GAS7: variants seen among roughly 807,000 people sequenced by gnomAD.
GAS7 encodes the protein growth arrest specific 7.
Under a neutral mutation model 71.1 loss-of-function variants are expected in GAS7, and 28 were observed. The ratio of observed to expected loss-of-function variants is 0.39; its 90% confidence interval spans 0.29 to 0.54. The LOEUF is 0.54. GAS7 is among the 20% of genes least tolerant of loss of function. GAS7 has a pLI of 0.62. For synonymous variants in GAS7, 258 were observed against 245.8 expected, an observed-to-expected ratio of 1.05 and a Z score of -0.46; for missense variants, 436 against 627.8, an observed-to-expected ratio of 0.69 and a Z score of 3.27.
intron 1 of GAS7, among the ~76,000 whole-genome samples, chr17:10,125,472 G>C (rs2073937182): frequency 6.7e-6 from 1 of 148,748 alleles, no homozygotes; most frequent in Non-Finnish European, 1.5e-5. Flanking sequence ...AGCCAAGATG[G>C]TGCCATTGCA....
intron 1 of GAS7, among the ~76,000 whole-genome samples, chr17:10,160,088 T>C (rs1367783350): frequency 6.6e-6 from 1 of 152,052 alleles, no homozygotes; most frequent in Non-Finnish European, 1.5e-5. Flanking sequence ...TAATTTCTTG[T>C]AGGGACAGGG....
chr17:10,036,634 C>T, intron 1 of GAS7: 1 of 1,435,524 alleles, frequency 7.0e-7, no homozygotes, highest in South Asian at 1.5e-5. Context: ...TGGCTTTGCT[C>T]ATTGCTGTTC....
chr17:9,975,262 G>C (rs2070141641), intron 3 of GAS7, among the ~76,000 whole-genome samples: 1 of 152,178 alleles, frequency 6.6e-6, no homozygotes, highest in Non-Finnish European at 1.5e-5. Flanking sequence ...GGCTGTGGCA[G>C]GAGAATTGCT....
chr17:10,001,974 G>T (rs1567875672), intron 2 of GAS7, among the ~76,000 whole-genome samples: 1 of 152,084 alleles, frequency 6.6e-6, no homozygotes, highest in Non-Finnish European at 1.5e-5. Flanking sequence ...CTCATGCCGG[G>T]TATTGAAATG....
intron 1 of GAS7, among the ~76,000 whole-genome samples, chr17:10,172,393 A>G (rs2074341978): frequency 6.6e-6 from 1 of 152,246 alleles, no homozygotes; most frequent in African/African-American, 2.4e-5. Flanking sequence ...CCAGCACAGC[A>G]CTGTGCATAA....
intron 1 of GAS7, among the ~76,000 whole-genome samples, chr17:10,069,175 G>A (rs1300575453): frequency 6.6e-6 from 1 of 152,136 alleles, no homozygotes. Flanking sequence ...ACCAGCCAAG[G>A]AACAATGTTG....
chr17:10,011,698 C>G (rs922527706), intron 2 of GAS7, among the ~76,000 whole-genome samples: 1 of 152,092 alleles, frequency 6.6e-6, no homozygotes, highest in African/African-American at 2.4e-5. Flanking sequence ...ATCTCAAGGC[C>G]GGGTGCGGTG....
At position 9,959,317 on chromosome 17, in the gene GAS7, C is replaced by A. The variant is rs972587653; in HGVS notation, c.472-62G>T. 1.2e-6 allele frequency: 2 copies of A among 1,610,576 alleles called. No homozygotes were observed. Among genetic ancestry groups the A allele is most frequent in the East Asian group, 2.2e-5 (1 of 44,848 alleles). On this transcript the variant is annotated intron_variant, in intron 4 of 13. Transcript: ENST00000432992. The surrounding 1 kb of genome is among the most constrained non-coding windows in gnomAD (Gnocchi z 5.0). ...CTCCATATTGGACATTTTTTCCCCC[C>A]ATTCAGGTTCCCTGAGGGTGGAGGC...
intron 1 of GAS7, among the ~76,000 whole-genome samples, chr17:10,075,085 C>T (rs935940147): frequency 2.6e-5 from 4 of 152,024 alleles, no homozygotes; most frequent in African/African-American, 4.8e-5. Context: ...GGGCTGGGAG[C>T]GGTGGTTCAC....
intron 1 of GAS7, among the ~76,000 whole-genome samples, chr17:10,158,999 G>A (rs1013891591): frequency 6.9e-6 from 1 of 144,462 alleles, no homozygotes; most frequent in East Asian, 2.1e-4. Context: ...AGTGGAGGCT[G>A]CAGTGAGCCA....
intron 4 of GAS7, among the ~76,000 whole-genome samples, chr17:9,967,109 C>T (rs11653104): frequency 0.49 from 74,221 of 151,226 alleles, 18,345 homozygotes; most frequent in African/African-American, 0.53. Flanking sequence ...CCACTATCTA[C>T]CCGGGCCTGC....
chr17:10,085,844 G>A (rs1567585527), intron 1 of GAS7, among the ~76,000 whole-genome samples: 1 of 152,160 alleles, frequency 6.6e-6, no homozygotes, highest in Admixed American at 6.5e-5. Context: ...AGACACTGAC[G>A]CTGAGCAAGA....
intron 1 of GAS7, among the ~76,000 whole-genome samples, chr17:10,031,873 C>T (rs1035460919): frequency 2.6e-5 from 4 of 152,180 alleles, no homozygotes; most frequent in East Asian, 1.9e-4. Context: ...TCGGCATTGA[C>T]GAACCAGCAT....
intron 1 of GAS7, among the ~76,000 whole-genome samples, chr17:10,139,990 C>G (rs903610128): frequency 6.6e-6 from 1 of 152,174 alleles, no homozygotes; most frequent in Non-Finnish European, 1.5e-5. Flanking sequence ...TTTATTCCAT[C>G]CTTGTGGGGT....
At chr17:10,018,705 T>C (rs1173873308) in intron 2 of GAS7, among the ~76,000 whole-genome samples, 2 of 152,146 alleles carry the variant, frequency 1.3e-5, no homozygotes, top group Non-Finnish European at 2.9e-5. Context: ...TGCTAAACAG[T>C]AGCTGGCTCC....
chr17:10,043,179 TC>T (rs2072897782), intron 1 of GAS7, among the ~76,000 whole-genome samples: 1 of 151,974 alleles, frequency 6.6e-6, no homozygotes, highest in Non-Finnish European at 1.5e-5. Flanking sequence ...TCAGGCCCAA[TC>T]CCTCCCTCTC....
rs915656232 is a variant in GAS7, at chr17:10,198,528, G to A, written c.-138C>T. ...GCGCGCGCCGTCTCTGGGGTGCGCG[G>A]GGGTCCTCAGGCAGGCGGGGGACGC... On this transcript the variant is annotated 5_prime_UTR_variant, in exon 1 of 14. Transcript: ENST00000432992. 6.3e-6 allele frequency: 3 copies of A among 476,652 alleles called. No homozygotes were observed. Among genetic ancestry groups the A allele is most frequent in the Non-Finnish European group, 6.8e-6 (2 of 292,270 alleles). The allele number at this position is 476,652 out of a possible 1,614,324, so 29.5% of individuals were successfully genotyped here. A position where few individuals can be genotyped will look rare whatever the true frequency, so the allele number is the denominator to read the frequency against.
chr17:10,006,757 G>A (rs926787959), intron 2 of GAS7, among the ~76,000 whole-genome samples: 1 of 152,058 alleles, frequency 6.6e-6, no homozygotes, highest in Non-Finnish European at 1.5e-5. Context: ...GAAATTATAA[G>A]ACCTGCCATT....
intron 2 of GAS7, among the ~76,000 whole-genome samples, chr17:10,014,328 C>T (rs2071903735): frequency 6.6e-6 from 1 of 152,198 alleles, no homozygotes; most frequent in Admixed American, 6.5e-5. Context: ...TTTCTCCTCT[C>T]ATTTAGTCTG....
Sources: gnomAD v4.1 joint callset for allele counts (sites outside exome capture counted in the v4.1 genomes callset) on GRCh38, gnomAD v4.1.1 for gene constraint, Gnocchi (gnomAD v3.1) non-coding constraint, MANE v1.5 for transcripts, NCBI Gene and HGNC (gene_info 2026-07-23, HGNC 2026-07-21) for gene names.